Variants in TXNRD3 observed in about 807,000 individuals in gnomAD.
TXNRD3 encodes the protein TXNRD3 neighbor gene protein.
Under a neutral mutation model 78.2 loss-of-function variants are expected in TXNRD3, and 68 were observed. The observed-to-expected ratio is 0.87, with a 90% CI of 0.72 to 1.06. The LOEUF is 1.06. Ranked by LOEUF, TXNRD3 falls within the 50% of genes least tolerant of loss-of-function variation. The pLI, the probability that TXNRD3 is intolerant of heterozygous loss-of-function variation, is 0.00. For synonymous variants in TXNRD3, 296 were observed against 300.1 expected, an observed-to-expected ratio of 0.99 and a Z score of 0.14; for missense variants, 751 against 809.5, an observed-to-expected ratio of 0.93 and a Z score of 0.88.
chr3:126,618,807 T>C (rs1278875045), intron 12 of TXNRD3, among the ~76,000 whole-genome samples: 1 of 137,024 alleles, frequency 7.3e-6, no homozygotes, highest in Non-Finnish European at 1.5e-5. Context: ...ATTTGTAAAC[T>C]ATCCATCTGA....
At chr3:126,643,566 A>G (rs966438073) in intron 5 of TXNRD3, among the ~76,000 whole-genome samples, 1 of 152,188 alleles carries the variant, frequency 6.6e-6, no homozygotes, top group East Asian at 1.9e-4. Context: ...CCTCAACTAT[A>G]CACTCAAAAA....
chr3:126,609,785 C>T (rs1938149699), intron 14 of TXNRD3, among the ~76,000 whole-genome samples: 1 of 152,166 alleles, frequency 6.6e-6, no homozygotes, highest in South Asian at 2.1e-4. Context: ...AGCCCACACC[C>T]TCATGAGGAG....
At chr3:126,619,535 T>C (rs987750631) in intron 12 of TXNRD3, among the ~76,000 whole-genome samples, 1 of 152,072 alleles carries the variant, frequency 6.6e-6, no homozygotes, top group Non-Finnish European at 1.5e-5. Flanking sequence ...GAAAGTAGAA[T>C]TGTGGTTATT....
At chr3:126,638,047 G>A (rs569846409) in intron 6 of TXNRD3, among the ~76,000 whole-genome samples, 6 of 139,330 alleles carry the variant, frequency 4.3e-5, no homozygotes, top group South Asian at 2.3e-4. Flanking sequence ...GGGTTCAAGC[G>A]ATTCTCTTGC....
rs1933227064 is a variant in TXNRD3, at chr3:126,646,138, A to G, written c.387T>C (p.His129=). ...GGAAAGTTTGGTCACATCCACCTAC[A>G]TGCACTTTATTCACGAAAATATTGG... The change falls in exon 3 of 16, where the codon CAT becomes CAC. Residue 129 remains histidine (H), a synonymous_variant. Transcript: ENST00000524230. The G allele has an allele frequency of 2.0e-6, 3 of 1,533,212 alleles. No individual in the cohort carries two copies. Among genetic ancestry groups the G allele is most frequent in the East Asian group, 2.5e-5 (1 of 40,684 alleles). 95.0% of individuals were successfully genotyped at this position (1,533,212 alleles called of 1,614,324 possible). A position where few individuals can be genotyped will look rare whatever the true frequency, so the allele number is the denominator to read the frequency against.
At chr3:126,653,676 G>C (rs918133554) in intron 1 of TXNRD3, among the ~76,000 whole-genome samples, 1 of 152,222 alleles carries the variant, frequency 6.6e-6, no homozygotes, top group African/African-American at 2.4e-5. Context: ...CATCCTTTAT[G>C]ACCCAGCAAC....
intron 11 of TXNRD3, 59 bp downstream of exon 11, chr3:126,622,405 T>C: frequency 8.4e-7 from 1 of 1,185,854 alleles, no homozygotes; most frequent in Non-Finnish European, 1.2e-6. Flanking sequence ...TTCTTAGAGG[T>C]GATCTGCAGA....
At chr3:126,611,703 G>A (rs1218365001) in intron 13 of TXNRD3, among the ~76,000 whole-genome samples, 1 of 152,102 alleles carries the variant, frequency 6.6e-6, no homozygotes, top group African/African-American at 2.4e-5. Context: ...AAAATGCCAT[G>A]TGCCCTCTCT....
rs541474317 is a variant in TXNRD3, at chr3:126,608,336, C to T, written c.1863+163G>A. On this transcript the variant is annotated intron_variant, in intron 15 of 15. Transcript: ENST00000524230. Reference sequence around the variant, plus strand: ...AGATCATGCTACTGCACTCTAGCCTCGATGACAGAGTGAGACCCTGTCTGA... The same window carrying T: ...AGATCATGCTACTGCACTCTAGCCTTGATGACAGAGTGAGACCCTGTCTGA... Among the ~76,000 whole-genome samples the T allele has an allele frequency of 1.1e-4, 17 of 151,628 alleles. No individual in the cohort carries two copies. The South Asian group carries it at 2.7e-3, about 24-fold the overall frequency.
At position 126,637,932 on chromosome 3, in the gene TXNRD3, C is replaced by CTCTTTTTTTT. The variant is rs1444254294; in HGVS notation, c.713-3882_713-3881insAAAAAAAAGA. On this transcript the variant is annotated intron_variant, in intron 6 of 15. Transcript: ENST00000524230. ...CTTATTTTAACCTATATTTCTCTCT[C>CTCTTTTTTTT]TTTTTTTTTTTTTTTTTTTTTTTTT... 2.1e-3 allele frequency among the ~76,000 whole-genome samples: 126 copies of CTCTTTTTTTT among 60,256 alleles called. 8 individuals are homozygous for CTCTTTTTTTT. Among genetic ancestry groups the CTCTTTTTTTT allele is most frequent in the East Asian group, 5.5e-3 (8 of 1,448 alleles). The allele number at this position is 60,256 out of a possible 152,430, so 39.5% of individuals were successfully genotyped here.
At position 126,633,921 on chromosome 3, in the gene TXNRD3, A is replaced by T; in HGVS notation, c.843T>A (p.His281Gln). The T allele has an allele frequency of 6.7e-7, 1 of 1,502,372 alleles. No individual in the cohort carries two copies. The highest frequency in any genetic ancestry group is 8.8e-7 in the Non-Finnish European group (1 of 1,132,246). The allele number at this position is 1,502,372 out of a possible 1,614,324, so 93.1% of individuals were successfully genotyped here. A position where few individuals can be genotyped will look rare whatever the true frequency, so the allele number is the denominator to read the frequency against. ...ACTCAAGCACTACCTTTATTTTATG[A>T]TGTTCAACAAATTCTCCATAGGAAT... The change falls in exon 7 of 16, where the codon CAT becomes CAA. Residue 281 changes from histidine (H) to glutamine (Q), a missense_variant. Transcript: ENST00000524230.
At position 126,630,941 on chromosome 3, in the gene TXNRD3, A is replaced by G. The variant is rs1322532373; in HGVS notation, c.972-4T>C. The G allele has an allele frequency of 2.0e-6, 3 of 1,532,092 alleles. No homozygotes were observed. In the South Asian group the frequency reaches 3.6e-5, roughly 18 times the overall value. 94.9% of individuals were successfully genotyped at this position (1,532,092 alleles called of 1,614,324 possible). ...AGGCAGAGAAAAAAGGTCATCACTG[A>G]AAAATAAAAATTAAAAAAAGAATAC... is the stretch of plus-strand genomic sequence containing the variant. On this transcript the variant is annotated splice_polypyrimidine_tract_variant and splice_region_variant and intron_variant, in intron 8 of 15. Transcript: ENST00000524230.
At chr3:126,633,216 A>G (rs1008910363) in intron 7 of TXNRD3, among the ~76,000 whole-genome samples, 1 of 152,224 alleles carries the variant, frequency 6.6e-6, no homozygotes, top group African/African-American at 2.4e-5. Flanking sequence ...TTCCTGTTAA[A>G]TTAAAAAAAT....
chr3:126,609,425 G>C (rs893013994), intron 14 of TXNRD3, among the ~76,000 whole-genome samples: 1 of 152,160 alleles, frequency 6.6e-6, no homozygotes, highest in African/African-American at 2.4e-5. Flanking sequence ...GCCAGGGCTG[G>C]GACTTCAGAG....
chr3:126,632,833 C>G (rs1938755352), intron 7 of TXNRD3, among the ~76,000 whole-genome samples: 1 of 152,080 alleles, frequency 6.6e-6, no homozygotes, highest in South Asian at 2.1e-4. Context: ...CTGAAACAGA[C>G]AAGCAAGTAC....
intron 14 of TXNRD3, among the ~76,000 whole-genome samples, 200 bp from the exon 15 acceptor site, chr3:126,608,833 A>T (rs376579547): frequency 1.3e-5 from 2 of 152,226 alleles, no homozygotes; most frequent in South Asian, 4.1e-4. Flanking sequence ...GCACATCCAG[A>T]GTTAATTTGC....
chr3:126,621,771 G>C lies in TXNRD3; in HGVS notation c.1495C>G (p.Gln499Glu). Residue 499 changes from glutamine (Q) to glutamate (E), a missense_variant, in exon 12 of 16, where the codon CAG becomes GAG. Transcript: ENST00000524230. ...TCTAAAGAGGCCCCAAAAAGTCTCT[G>C]AGCTAGCAGCTTGCCTGACTGTATG... 1 of 1,524,990 alleles carries C rather than the reference G, an allele frequency of 6.6e-7. No individual in the cohort carries two copies. Among genetic ancestry groups the C allele is most frequent in the Non-Finnish European group, 8.7e-7 (1 of 1,143,968 alleles). The allele number at this position is 1,524,990 out of a possible 1,614,324, so 94.5% of individuals were successfully genotyped here. A position where few individuals can be genotyped will look rare whatever the true frequency, so the allele number is the denominator to read the frequency against.
chr3:126,647,263 A>T lies in TXNRD3; in HGVS notation c.277T>A (p.Cys93Ser). Residue 93 changes from cysteine (C) to serine (S), a missense_variant, in exon 2 of 16, where the codon TGT becomes AGT. Transcript: ENST00000524230. Reference sequence around the variant, plus strand: ...ACTTGATCAAGTTCCAAGACATTACATTCGACTCCCAAAGAAGAAAAGAGT... The same window carrying T: ...ACTTGATCAAGTTCCAAGACATTACTTTCGACTCCCAAAGAAGAAAAGAGT... The T allele has an allele frequency of 6.5e-7, 1 of 1,535,786 alleles. No individual in the cohort carries two copies. The highest frequency in any genetic ancestry group is 2.0e-5 in the Admixed American group (1 of 50,984).
chr3:126,655,011 C>T lies in TXNRD3; in HGVS notation c.-21G>A. 1 of 1,294,556 alleles carries T rather than the reference C, an allele frequency of 7.7e-7. No individual in the cohort carries two copies. Among genetic ancestry groups the T allele is most frequent in the South Asian group, 2.3e-5 (1 of 43,694 alleles). 80.2% of individuals were successfully genotyped at this position (1,294,556 alleles called of 1,614,324 possible). On this transcript the variant is annotated 5_prime_UTR_variant, in exon 1 of 16. Coordinates refer to ENST00000524230, the MANE Select transcript of TXNRD3 (RefSeq NM_052883.3). ...TCCAGAGTCTCGCTCTCGCTCCTGG[C>T]CCGGCCGGGCCTGCTCACAAACCGA...
Sources: gnomAD v4.1 joint callset for allele counts (sites outside exome capture counted in the v4.1 genomes callset) on GRCh38, gnomAD v4.1.1 for gene constraint, MANE v1.5 for transcripts, NCBI Gene and HGNC (gene_info 2026-07-23, HGNC 2026-07-21) for gene names.